TCF7L2: variants seen among roughly 807,000 people sequenced by gnomAD.
TCF7L2 encodes transcription factor 7 like 2.
Under a neutral mutation model 77.9 loss-of-function variants are expected in TCF7L2, and 23 were observed. The observed-to-expected ratio is 0.30, with a 90% confidence interval of 0.21 to 0.42. TCF7L2 has a LOEUF of 0.42. TCF7L2 is among the 10% of genes least tolerant of loss of function. TCF7L2 has a pLI of 1.00. For missense variants in TCF7L2, 654 were observed against 793.1 expected, an observed-to-expected ratio of 0.82 and a Z score of 2.11; for synonymous variants, 413 against 340.2, an observed-to-expected ratio of 1.21 and a Z score of -2.36.
At chr10:113,069,998 C>G (rs1184470147) in intron 5 of TCF7L2, among the ~76,000 whole-genome samples, 1 of 151,988 alleles carries the variant, frequency 6.6e-6, no homozygotes, top group Non-Finnish European at 1.5e-5. Flanking sequence ...TGGCTCACAC[C>G]TGTAATCTCA....
chr10:113,048,130 C>T (rs1590974507), intron 5 of TCF7L2, among the ~76,000 whole-genome samples: 1 of 152,226 alleles, frequency 6.6e-6, no homozygotes, highest in East Asian at 1.9e-4. Flanking sequence ...AGATTGGGAC[C>T]TACTTTGGAA....
intron 6 of TCF7L2, among the ~76,000 whole-genome samples, chr10:113,143,263 A>G (rs2068713480): frequency 6.6e-6 from 1 of 152,204 alleles, no homozygotes; most frequent in Non-Finnish European, 1.5e-5. Flanking sequence ...CTTAATCCCC[A>G]CAGACGACTC....
At position 113,148,911 on chromosome 10, in the gene TCF7L2, C is replaced by G. The variant is rs534148892; in HGVS notation, c.876-2087C>G. On this transcript the variant is annotated intron_variant, in intron 8 of 13. Transcript: ENST00000627217. ...AAGTTTGTCTGCACCCCAAAATGTACTCAGATTGTGGTGCCTTCCCGTGGT... is the reference window on the plus strand; with the variant it reads ...AAGTTTGTCTGCACCCCAAAATGTAGTCAGATTGTGGTGCCTTCCCGTGGT... Among the ~76,000 whole-genome samples the G allele has an allele frequency of 2.0e-5, 3 of 152,292 alleles. No homozygotes were observed. The South Asian group carries it at 6.2e-4, about 32-fold the overall frequency.
intron 5 of TCF7L2, among the ~76,000 whole-genome samples, chr10:113,078,571 G>A (rs956257326): frequency 4.6e-5 from 7 of 151,950 alleles, no homozygotes; most frequent in Admixed American, 4.6e-4. Context: ...GCAGAGATGG[G>A]GTCTCACTAT....
At chr10:113,053,521 A>G (rs2054828999) in intron 5 of TCF7L2, among the ~76,000 whole-genome samples, 1 of 152,172 alleles carries the variant, frequency 6.6e-6, no homozygotes, top group South Asian at 2.1e-4. Context: ...CAGTTACTAC[A>G]AAGTCTGCAA....
intron 4 of TCF7L2, among the ~76,000 whole-genome samples, chr10:112,989,491 T>C (rs1019777847): frequency 6.6e-6 from 1 of 152,128 alleles, no homozygotes; most frequent in African/African-American, 2.4e-5. Flanking sequence ...AAAAAATTGC[T>C]AGTCAATGCT....
intron 5 of TCF7L2, among the ~76,000 whole-genome samples, chr10:113,136,178 G>A (rs1473010054): frequency 1.3e-5 from 2 of 152,152 alleles, no homozygotes; most frequent in Non-Finnish European, 2.9e-5. Context: ...TCGTTGTGAG[G>A]ATTTCCTAGA....
chr10:113,081,292 G>A (rs909831795), intron 5 of TCF7L2, among the ~76,000 whole-genome samples: 1 of 152,218 alleles, frequency 6.6e-6, no homozygotes, highest in Non-Finnish European at 1.5e-5. Context: ...AATGTTTACA[G>A]CACACAACAC....
chr10:113,146,336 G>T (rs780407994), intron 8 of TCF7L2, among the ~76,000 whole-genome samples: 1 of 152,178 alleles, frequency 6.6e-6, no homozygotes, highest in Non-Finnish European at 1.5e-5. Context: ...GTATTTTAAT[G>T]AATTAAGAAG....
At chr10:113,045,949 T>G (rs987755755) in intron 5 of TCF7L2, among the ~76,000 whole-genome samples, 3 of 152,162 alleles carry the variant, frequency 2.0e-5, no homozygotes, top group Non-Finnish European at 4.4e-5. Flanking sequence ...AACATTATTT[T>G]ATAAGGAGAA....
In TCF7L2 at chr10:112,951,222, C is replaced by G. The variant is rs1277066138; in HGVS notation, c.205C>G (p.Pro69Ala). 6.3e-7 allele frequency: 1 copy of G among 1,583,344 alleles called. No homozygotes were observed. The highest frequency in any genetic ancestry group is 1.1e-5 in the South Asian group (1 of 87,970). ...CTCTGGGAAGGCGGAAAGACGGCCT[C>G]CGCCTCGCTCCGAAAGTTTCCGAGA... Residue 69 changes from proline (P) to alanine (A), a missense_variant, in exon 2 of 14, where the codon CCG (proline) becomes GCG (alanine). Around this residue, in one of 6 missense-constraint regions of TCF7L2, gnomAD observed 132 missense variants for 123.7 expected, o/e 1.07. Coordinates refer to ENST00000627217, the MANE Select transcript of TCF7L2 (RefSeq NM_001146274.2).
At chr10:113,111,109 A>G (rs914335246) in intron 5 of TCF7L2, among the ~76,000 whole-genome samples, 4 of 150,868 alleles carry the variant, frequency 2.7e-5, no homozygotes, top group Non-Finnish European at 5.9e-5. Context: ...CAAGCTTTTC[A>G]GTTATATTTT....
intron 3 of TCF7L2, among the ~76,000 whole-genome samples, chr10:112,954,936 G>A (rs1043605303): frequency 6.6e-6 from 1 of 152,144 alleles, no homozygotes; most frequent in Non-Finnish European, 1.5e-5. Context: ...ACCGAGAGGG[G>A]CCTATTCATT....
At chr10:113,156,891 G>A in intron 11 of TCF7L2, among the ~76,000 whole-genome samples, 1 of 152,218 alleles carries the variant, frequency 6.6e-6, no homozygotes, top group East Asian at 1.9e-4. Flanking sequence ...TTTCTCCTCT[G>A]TGAAACTGGA....
intron 5 of TCF7L2, among the ~76,000 whole-genome samples, chr10:113,073,547 C>G (rs933484176): frequency 7.2e-6 from 1 of 139,098 alleles, no homozygotes; most frequent in Admixed American, 7.2e-5. Flanking sequence ...AAAAAATTAG[C>G]TGGGGGTGGT....
intron 5 of TCF7L2, among the ~76,000 whole-genome samples, chr10:113,130,175 T>G (rs964056903): frequency 1.3e-5 from 2 of 151,978 alleles, no homozygotes; most frequent in African/African-American, 4.8e-5. Flanking sequence ...TTCACAGCAG[T>G]TTTTTGGGGA....
chr10:112,955,101 C>T (rs78212741), intron 3 of TCF7L2, among the ~76,000 whole-genome samples: 1,570 of 152,152 alleles, frequency 0.01, 28 homozygotes, highest in African/African-American at 0.035. Context: ...CTCCCACCCC[C>T]CCACCTCACC....
chr10:113,026,316 TA>T (rs2049156909), intron 4 of TCF7L2, among the ~76,000 whole-genome samples: 1 of 151,652 alleles, frequency 6.6e-6, no homozygotes, highest in South Asian at 2.1e-4. Flanking sequence ...CATGCCTGGC[TA>T]ATTTTTTTTT....
intron 4 of TCF7L2, among the ~76,000 whole-genome samples, chr10:113,038,534 C>T (rs181922342): frequency 1.2e-4 from 19 of 152,296 alleles, no homozygotes; most frequent in African/African-American, 3.8e-4. Context: ...GGAACTCCGT[C>T]GGCTGGCTTG....
Sources: gnomAD v4.1 joint callset for allele counts (sites outside exome capture counted in the v4.1 genomes callset) on GRCh38, gnomAD v4.1.1 for gene constraint, gnomAD v4.1.1 regional missense constraint, MANE v1.5 for transcripts, NCBI Gene and HGNC (gene_info 2026-07-23, HGNC 2026-07-21) for gene names.